The following DNHD1 variants were observed in gnomAD, a reference collection of about 807,000 sequenced individuals.
DNHD1 encodes the protein dynein heavy chain domain 1, also known as dynein heavy chain domain-containing protein 1.
Under a neutral mutation model 458.1 loss-of-function variants are expected in DNHD1, and 383 were observed. The ratio of observed to expected loss-of-function variants is 0.84; its 90% CI spans 0.77 to 0.91. The LOEUF is 0.91. DNHD1 is among the 40% of genes least tolerant of loss of function. The pLI is 0.00. For missense variants in DNHD1, 5,336 were observed against 5,866.1 expected (o/e 0.91, Z 2.95); for synonymous variants, 2,203 against 2,376.9 (o/e 0.93, Z 2.13).
intron 28 of DNHD1, 131 bp from the exon 29 acceptor site, chr11:6,562,851 G>A (rs1250550009): frequency 9.7e-7 from 1 of 1,025,828 alleles, no homozygotes; most frequent in African/African-American, 1.6e-5. Flanking sequence ...TCTCTCTGTG[G>A]CCTACTTGGA....
intron 24 of DNHD1, among the ~76,000 whole-genome samples, chr11:6,553,446 C>T (rs1356083362): frequency 6.6e-6 from 1 of 152,152 alleles, no homozygotes; most frequent in African/African-American, 2.4e-5. Context: ...AAGGCAAGAA[C>T]ATACTCACTG....
At chr11:6,536,511 T>A (rs772994058) in intron 14 of DNHD1, among the ~76,000 whole-genome samples, 4 of 152,180 alleles carry the variant, frequency 2.6e-5, no homozygotes, top group Non-Finnish European at 5.9e-5. Flanking sequence ...CACATGCCCA[T>A]GCACAGAGCA....
Position 6,545,298 on chromosome 11 carries a change from G to T in DNHD1, c.4359G>T (p.Lys1453Asn). Residue 1453 changes from lysine to asparagine, a missense_variant, in exon 21 of 43, where the codon AAG becomes AAT. By Grantham distance (94) the Lys-to-Asn change is moderately conservative. Transcript: ENST00000254579. The surrounding 1 kb of genome is among the most constrained non-coding windows in gnomAD (Gnocchi z 4.9). ...DLPKWLASLE[K>N]CLRLALVHML... ...CTAAGTGGCTGGCCTCTCTGGAGAA[G>T]TGTCTGCGCTTGGCACTGGTGCACA... The T allele has an allele frequency of 6.4e-7, 1 of 1,551,764 alleles. No homozygotes were observed. Among genetic ancestry groups the T allele is most frequent in the Non-Finnish European group, 8.7e-7 (1 of 1,147,020 alleles).
At chr11:6,552,809 T>C (rs1288555651) in intron 24 of DNHD1, among the ~76,000 whole-genome samples, 3 of 152,052 alleles carry the variant, frequency 2.0e-5, no homozygotes, top group Non-Finnish European at 4.4e-5. Flanking sequence ...CAAAATTTGG[T>C]TGGGGACACA....
chr11:6,539,410 G>A (rs951350596), intron 17 of DNHD1, 97 bp downstream of exon 17: 1 of 943,642 alleles, frequency 1.1e-6, no homozygotes, highest in South Asian at 1.4e-5. Flanking sequence ...GTGATTTAAT[G>A]TGGGGTTGAG....
At chr11:6,569,263 C>T (rs796361716) in intron 39 of DNHD1, among the ~76,000 whole-genome samples, 1 of 151,918 alleles carries the variant, frequency 6.6e-6, no homozygotes, top group East Asian at 1.9e-4. Context: ...GCGGATGGAT[C>T]ACGAGGTCAG....
In DNHD1 at chr11:6,559,126, C is replaced by G. The variant is rs895774679; in HGVS notation, c.9416+20C>G. 3 of 1,551,674 alleles carry G rather than the reference C, an allele frequency of 1.9e-6. No homozygotes were observed. ...CCAGCGGTGAGTGTCCCGTCCCCTG[C>G]AGTGTACCTCCTTCTGCTCCTTTGG... On this transcript the variant is annotated intron_variant, in intron 27 of 42. Transcript: ENST00000254579.
chr11:6,547,607 T>C lies in DNHD1; in HGVS notation c.6668T>C (p.Ile2223Thr). 1 of 1,542,030 alleles carries C rather than the reference T, an allele frequency of 6.5e-7. No homozygotes were observed. The highest frequency in any genetic ancestry group is 8.8e-7 in the Non-Finnish European group (1 of 1,139,416). ...GCAGAAGTTACCAGCATGGCACGCA[T>C]CTTGCATAGTCTGCTTGACCTCCAC... ...GVAEVTSMAR[I>T]LHSLLDLHLR... Residue 2223 changes from isoleucine to threonine, a missense_variant, in exon 21 of 43, where the codon ATC becomes ACC. By Grantham distance (89) the Ile-to-Thr change is moderately conservative (BLOSUM62 -1). This residue lies in a region of DNHD1 where 3,932 missense variants were observed against 4,365.6 expected (regional missense o/e 0.90). Transcript: ENST00000254579.
chr11:6,515,705 T>C (rs1388978456), intron 7 of DNHD1, among the ~76,000 whole-genome samples: 1 of 152,032 alleles, frequency 6.6e-6, no homozygotes, highest in Non-Finnish European at 1.5e-5. Flanking sequence ...GGTCTGCTTC[T>C]GGGGAACTCA....
At chr11:6,537,930 CAAA>C (rs908906194) in intron 14 of DNHD1, among the ~76,000 whole-genome samples, 2 of 146,246 alleles carry the variant, frequency 1.4e-5, no homozygotes, top group East Asian at 3.9e-4. Flanking sequence ...GACTCTGTCT[CAAA>C]AAAAAAAGAA....
rs1265855152 is a variant in DNHD1 at position 6,529,128 on chromosome 11, A to C, written c.2347+7A>C. ...GATGTACAGGCAGAGATGGGTGAGT[A>C]CTGCTTCTCTTCCCTCTCCTCCTTC... On this transcript the variant is annotated splice_region_variant and intron_variant, in intron 12 of 42. Coordinates refer to ENST00000254579, the MANE Select transcript of DNHD1 (RefSeq NM_144666.3). 4 of 1,549,744 alleles carry C rather than the reference A, an allele frequency of 2.6e-6. No individual in the cohort carries two copies. In the South Asian group the frequency reaches 3.6e-5, roughly 14 times the overall value.
chr11:6,557,387 G>C lies in DNHD1; in HGVS notation c.8092G>C (p.Glu2698Gln). 1 of 1,541,866 alleles carries C rather than the reference G, an allele frequency of 6.5e-7. No homozygotes were observed. The highest frequency in any genetic ancestry group is 8.8e-7 in the Non-Finnish European group (1 of 1,140,096). The change falls in exon 25 of 43, where the codon GAG becomes CAG. Residue 2698 changes from glutamate to glutamine, a missense_variant. Coordinates refer to ENST00000254579, the MANE Select transcript of DNHD1 (RefSeq NM_144666.3). Reference protein sequence around the residue: ...HLGKDHQESEEEEEEERVPEV... With the variant: ...HLGKDHQESEQEEEEERVPEV... ...GGGCAAGGACCATCAGGAGAGTGAGGAGGAGGAGGAGGAGGAGAGGGTGCC... is the reference window on the plus strand; with the variant it reads ...GGGCAAGGACCATCAGGAGAGTGAGCAGGAGGAGGAGGAGGAGAGGGTGCC...
At chr11:6,527,997 G>A (rs1299210506) in intron 10 of DNHD1, among the ~76,000 whole-genome samples, 7 of 152,096 alleles carry the variant, frequency 4.6e-5, no homozygotes, top group Non-Finnish European at 7.4e-5. Flanking sequence ...TCCCAGACTC[G>A]CCTGCAGCTA....
At position 6,498,574 on chromosome 11, in the gene DNHD1, C is replaced by G. The variant is rs1374380739; in HGVS notation, c.359C>G (p.Thr120Ser). The G allele has an allele frequency of 6.2e-7, 1 of 1,614,100 alleles. No homozygotes were observed. Among genetic ancestry groups the G allele is most frequent in the African/African-American group, 1.3e-5 (1 of 74,938 alleles). Residue 120 changes from threonine (T) to serine (S), a missense_variant, in exon 3 of 43, where the codon ACC becomes AGC. Transcript: ENST00000254579. ...QLYCWAPWVQ[T>S]HLHLDLLGAI... ...TACTGCTGGGCACCCTGGGTCCAAA[C>G]CCACCTCCATCTGGACCTGCTAGGT... is the stretch of plus-strand genomic sequence containing the variant.
At chr11:6,502,436 A>G (rs1042233833) in intron 3 of DNHD1, among the ~76,000 whole-genome samples, 4 of 152,244 alleles carry the variant, frequency 2.6e-5, no homozygotes, top group Admixed American at 6.5e-5. Flanking sequence ...CATTATTTGT[A>G]CACAGTATTA....
chr11:6,524,576 G>T (rs952679627), intron 10 of DNHD1, among the ~76,000 whole-genome samples: 2 of 152,222 alleles, frequency 1.3e-5, no homozygotes, highest in Admixed American at 6.5e-5. Context: ...GAGTATGATT[G>T]ATTCAGCTTC....
Position 6,546,139 on chromosome 11 carries a change from G to A in DNHD1, c.5200G>A (p.Ala1734Thr). 3.2e-6 allele frequency: 5 copies of A among 1,551,236 alleles called. No homozygotes were observed. The highest frequency in any genetic ancestry group is 4.4e-6 in the Non-Finnish European group (5 of 1,146,582). The change falls in exon 21 of 43, where the codon GCC becomes ACC. Residue 1734 changes from alanine (A) to threonine (T), a missense_variant. Physicochemically the swap from Ala to Thr is moderately conservative, Grantham distance 58 (BLOSUM62 0). Around this residue, in one of 4 missense-constraint regions of DNHD1, gnomAD observed 3,932 missense variants for 4,365.6 expected, o/e 0.90. Transcript: ENST00000254579. ...NYLNGALQGG[A>T]WLLLEKVHQL... ...TCTGAATGGTGCCCTGCAGGGTGGT[G>A]CCTGGCTGCTGTTGGAGAAAGTTCA...
At position 6,556,694 on chromosome 11, in the gene DNHD1, A is replaced by G. The variant is rs1192250440; in HGVS notation, c.7399A>G (p.Ser2467Gly). Residue 2467 changes from serine to glycine, a missense_variant, in exon 25 of 43, where the codon AGC becomes GGC. Coordinates refer to ENST00000254579, the MANE Select transcript of DNHD1 (RefSeq NM_144666.3). ...CTCATGTCCCATAGACCCAGAGAAGAGCTGCCAGCCAGTGTTGGAGACTCT... is the reference window on the plus strand; with the variant it reads ...CTCATGTCCCATAGACCCAGAGAAGGGCTGCCAGCCAGTGTTGGAGACTCT... ...LHLATSDPEK[S>G]CQPVLETLRQ... 9.1e-6 allele frequency: 14 copies of G among 1,542,508 alleles called. No individual in the cohort carries two copies. The highest frequency in any genetic ancestry group is 1.8e-6 in the Non-Finnish European group (2 of 1,139,724).
At chr11:6,524,201 C>G (rs1852662011) in intron 10 of DNHD1, among the ~76,000 whole-genome samples, 1 of 152,188 alleles carries the variant, frequency 6.6e-6, no homozygotes, top group African/African-American at 2.4e-5. Context: ...CCTAGAATCA[C>G]TGCTCTTCAA....
Sources: allele counts gnomAD v4.1 joint callset (sites outside exome capture counted in the v4.1 genomes callset), GRCh38; gene constraint gnomAD v4.1.1; regional missense constraint gnomAD v4.1.1; non-coding constraint Gnocchi (gnomAD v3.1); transcripts MANE v1.5; gene names NCBI Gene and HGNC (gene_info 2026-07-23, HGNC 2026-07-21).